Variants in EML1 observed in about 807,000 individuals in gnomAD.
EML1 encodes the protein EMAP like 1.
Under a neutral mutation model 110.4 loss-of-function variants are expected in EML1, and 27 were observed. The ratio of observed to expected loss-of-function variants is 0.24; its 90% CI spans 0.18 to 0.34. EML1 has a LOEUF of 0.34. Among genes scored for constraint, EML1 ranks in the 10% least tolerant of loss-of-function variants. The probability of loss-of-function intolerance (pLI) is 1.00; values close to 1 mark genes in which losing one functional copy is unlikely to be tolerated. For synonymous variants in EML1, 344 were observed against 385.8 expected, an observed-to-expected ratio of 0.89 and a Z score of 1.27; for missense variants, 741 against 1,030.9, an observed-to-expected ratio of 0.72 and a Z score of 3.85.
Position 99,812,237 on chromosome 14 carries a change from G to C in EML1, c.67+18694G>C, listed in dbSNP as rs150097603. Among the ~76,000 whole-genome samples, 170 of 151,938 alleles carry C rather than the reference G, an allele frequency of 1.1e-3. 1 individual carries two copies. In the East Asian group the frequency reaches 0.03, roughly 27 times the overall value. On this transcript the variant is annotated intron_variant, in intron 1 of 21. Coordinates refer to ENST00000262233, the MANE Select transcript of EML1 (RefSeq NM_004434.3). ...AATTCAGGGGGTTAGGGTTGCTGAT[G>C]CAGTCAGGGAGGCCTGACTGTGCAT...
exon 1 of EML1, chr14:99,737,828 AC>A (rs2056986935): frequency 1.6e-6 from 2 of 1,289,048 alleles, no homozygotes; most frequent in Non-Finnish European, 1.0e-6. Flanking sequence ...CCCATCTTCC[AC>A]ACCATGTCGG....
At chr14:99,851,114 C>A in intron 2 of EML1, 79 bp downstream of exon 2, 1 of 1,432,006 alleles carries the variant, frequency 7.0e-7, no homozygotes, top group South Asian at 1.3e-5. Flanking sequence ...ACATTGTGCT[C>A]TTTAATATTG....
chr14:99,927,967 T>A (rs964133769), intron 17 of EML1, among the ~76,000 whole-genome samples: 1 of 1,494 alleles, frequency 6.7e-4, no homozygotes, highest in African/African-American at 3.5e-3. Flanking sequence ...GTGGTGGTGG[T>A]GGTGATGGTG....
chr14:99,753,635 G>A (rs933325649), intron 1 of EML1, among the ~76,000 whole-genome samples: 16 of 152,240 alleles, frequency 1.1e-4, no homozygotes, highest in South Asian at 2.1e-4. Context: ...CCGTGTCTGC[G>A]TCTGCCTGAT....
chr14:99,918,435 C>T (rs1463934385), intron 16 of EML1, among the ~76,000 whole-genome samples: 1 of 152,208 alleles, frequency 6.6e-6, no homozygotes, highest in Non-Finnish European at 1.5e-5. Context: ...ATTTGTGGAG[C>T]TTCTCAAGCC....
In EML1 at chr14:99,878,548, G is replaced by A. The variant is rs767527533; in HGVS notation, c.447G>A (p.Gly149=). Residue 149 remains glycine (G), a synonymous_variant, in exon 4 of 22, where the codon GGG becomes GGA. Coordinates refer to ENST00000262233, the MANE Select transcript of EML1 (RefSeq NM_004434.3). ...CTGGGGGTCGAAGGGAAAGCAATGG[G>A]GATTCCAGAGGAAACCGGAATCGCA... ...VSPGGRRESN[G]DSRGNRNRTG... is the part of the protein sequence containing the mutation. The A allele has an allele frequency of 6.2e-7, 1 of 1,614,030 alleles. No homozygotes were observed. Among genetic ancestry groups the A allele is most frequent in the Non-Finnish European group, 8.5e-7 (1 of 1,179,994 alleles).
intron 1 of EML1, among the ~76,000 whole-genome samples, chr14:99,756,896 C>T (rs568615414): frequency 2.6e-5 from 4 of 152,286 alleles, no homozygotes; most frequent in African/African-American, 4.8e-5. Flanking sequence ...TCTCACAGGG[C>T]GCGTATACAC....
At chr14:99,847,353 T>C (rs138755624) in intron 1 of EML1, among the ~76,000 whole-genome samples, 32 of 152,262 alleles carry the variant, frequency 2.1e-4, no homozygotes, top group African/African-American at 7.7e-4. Flanking sequence ...GTACTGGTTT[T>C]TTGTTTGTTT....
At chr14:99,786,598 A>G (rs2057603037) in intron 1 of EML1, among the ~76,000 whole-genome samples, 1 of 152,210 alleles carries the variant, frequency 6.6e-6, no homozygotes, top group African/African-American at 2.4e-5. Flanking sequence ...GGAGGCGGAC[A>G]CTGAGGACTA....
At chr14:99,791,678 G>A (rs990300887), upstream of EML1, among the ~76,000 whole-genome samples, 6 of 152,106 alleles carry the variant, frequency 3.9e-5, no homozygotes, top group African/African-American at 1.4e-4. Flanking sequence ...CAGACATCCT[G>A]GGCTGTTCCA....
intron 1 of EML1, among the ~76,000 whole-genome samples, chr14:99,814,680 A>G (rs1014134282): frequency 1.3e-5 from 2 of 152,376 alleles, no homozygotes; most frequent in Non-Finnish European, 2.9e-5. Flanking sequence ...TTTACAGAGC[A>G]GTTAGAGGCT....
At chr14:99,806,082 GCTTA>G (rs1442222202) in intron 1 of EML1, among the ~76,000 whole-genome samples, 2 of 152,074 alleles carry the variant, frequency 1.3e-5, no homozygotes, top group Admixed American at 6.6e-5. Flanking sequence ...TTTAGGAGTG[GCTTA>G]CTTCAGTTTC....
intron 2 of EML1, among the ~76,000 whole-genome samples, chr14:99,852,460 T>C (rs569913446): frequency 3.2e-4 from 49 of 152,178 alleles, no homozygotes; most frequent in African/African-American, 1.0e-3. Flanking sequence ...ACAAAAAATT[T>C]AAAAATTAGC....
rs929325541 is a variant in EML1, at chr14:99,940,256, C to T, written c.*144C>T. ...CCCTCCGCCGGCTACCTTAGCTTAG[C>T]GTGTCAGCGGGCGCCACAGCGGATC... On this transcript the variant is annotated 3_prime_UTR_variant, in exon 22 of 22. Transcript: ENST00000262233. 13 of 1,192,130 alleles carry T rather than the reference C, an allele frequency of 1.1e-5. No homozygotes were observed. In the Admixed American group the frequency reaches 3.8e-4, roughly 35 times the overall value. 73.8% of individuals were successfully genotyped at this position (1,192,130 alleles called of 1,614,324 possible).
At chr14:99,927,859 TAGTGGTAGTAGTGGTGGC>T (rs1313397196) in intron 17 of EML1, among the ~76,000 whole-genome samples, 3 of 11,832 alleles carry the variant, frequency 2.5e-4, no homozygotes, top group South Asian at 3.4e-3. Flanking sequence ...GTGGTGGTGG[TAGTGGTAGTAGTGGTGGC>T]GGTGGTGGTG....
chr14:99,753,196 G>GCC (rs1183572459), intron 1 of EML1, among the ~76,000 whole-genome samples: 51,374 of 81,534 alleles, frequency 0.63, 14,104 homozygotes, highest in Middle Eastern at 0.7. Flanking sequence ...CGCACCCCCC[G>GCC]CCCCCCCGCC....
At chr14:99,777,674 C>T (rs2057497829) in intron 1 of EML1, among the ~76,000 whole-genome samples, 1 of 152,206 alleles carries the variant, frequency 6.6e-6, no homozygotes, top group South Asian at 2.1e-4. Context: ...CCCGCCTCAG[C>T]CTCCAAAAGT....
At chr14:99,801,813 A>C (rs1310852803) in intron 1 of EML1, among the ~76,000 whole-genome samples, 1 of 152,066 alleles carries the variant, frequency 6.6e-6, no homozygotes, top group Non-Finnish European at 1.5e-5. Flanking sequence ...CAGTCTTCCT[A>C]ACTCTAGTCT....
intron 3 of EML1, among the ~76,000 whole-genome samples, chr14:99,876,624 A>G (rs2059296805): frequency 6.6e-6 from 1 of 152,082 alleles, no homozygotes; most frequent in South Asian, 2.1e-4. Flanking sequence ...AGATGGATAG[A>G]GTCTGTCCTG....
Sources: allele counts gnomAD v4.1 joint callset (sites outside exome capture counted in the v4.1 genomes callset), GRCh38; gene constraint gnomAD v4.1.1; transcripts MANE v1.5; gene names NCBI Gene and HGNC (gene_info 2026-07-23, HGNC 2026-07-21).